NADSYN1: variants seen among roughly 807,000 people sequenced by gnomAD.
NADSYN1 encodes NAD synthetase 1.
In NADSYN1, 80 loss-of-function variants were observed where a neutral mutation model predicts 99.3. The ratio of observed to expected loss-of-function variants is 0.81; its 90% confidence interval spans 0.67 to 0.97. The LOEUF (loss-of-function observed/expected upper bound fraction) is 0.97. Among genes scored for constraint, NADSYN1 ranks in the 50% least tolerant of loss-of-function variants. The probability of loss-of-function intolerance (pLI) is 0.00; values close to 1 mark genes in which losing one functional copy is unlikely to be tolerated. For synonymous variants in NADSYN1, 385 were observed against 372.1 expected, an observed-to-expected ratio of 1.03 and a Z score of -0.40; for missense variants, 859 against 948.5, an observed-to-expected ratio of 0.91 and a Z score of 1.24.
chr11:71,482,331 A>G (rs1242107274), intron 13 of NADSYN1, among the ~76,000 whole-genome samples: 5 of 152,192 alleles, frequency 3.3e-5, no homozygotes, highest in Non-Finnish European at 7.4e-5. Flanking sequence ...ATCCTCCCCC[A>G]TGTGATATAG....
Position 71,496,237 on chromosome 11 carries a change from T to A in NADSYN1, c.1765-1246T>A, listed in dbSNP as rs138713133. ...GAGGCCAGGGTCTGAAATCAAGGTG[T>A]TGGCAGAGTCCTGGTCCCTCCGAAG... On this transcript the variant is annotated intron_variant, in intron 18 of 20. Coordinates refer to ENST00000319023, the MANE Select transcript of NADSYN1 (RefSeq NM_018161.5). 3.3e-5 allele frequency among the ~76,000 whole-genome samples: 5 copies of A among 152,292 alleles called. No individual in the cohort carries two copies. In the East Asian group the frequency reaches 7.7e-4, roughly 24 times the overall value.
At position 71,462,155 on chromosome 11, in the gene NADSYN1, G is replaced by A. The variant is rs77919376; in HGVS notation, c.264-1277G>A. Among the ~76,000 whole-genome samples, 550 of 152,292 alleles carry A rather than the reference G, an allele frequency of 3.6e-3. 7 individuals are homozygous for A. Among genetic ancestry groups the A allele is most frequent in the African/African-American group, 0.013 (535 of 41,558 alleles). On this transcript the variant is annotated intron_variant, in intron 3 of 20. Coordinates refer to ENST00000319023, the MANE Select transcript of NADSYN1 (RefSeq NM_018161.5). ...GGTTCAGGCCATGACTGGGAGTGGGGGGTGATCGGGGGTCGGACAGGCCTC... is the reference window on the plus strand; with the variant it reads ...GGTTCAGGCCATGACTGGGAGTGGGAGGTGATCGGGGGTCGGACAGGCCTC...
chr11:71,476,667 C>T (rs1294849121), intron 9 of NADSYN1: 2 of 985,562 alleles, frequency 2.0e-6, no homozygotes. Context: ...GCTGGAAGGG[C>T]TTTGAAGAGA....
At chr11:71,455,410 A>T (rs1452674655) in intron 2 of NADSYN1, 3 of 470,280 alleles carry the variant, frequency 6.4e-6, no homozygotes, top group Non-Finnish European at 1.1e-5. Flanking sequence ...GATGAAGGCC[A>T]GTTTCAAAGT....
At chr11:71,485,328 A>G in intron 15 of NADSYN1, 1 of 378,804 alleles carries the variant, frequency 2.6e-6, no homozygotes, top group East Asian at 4.8e-5. Flanking sequence ...TTTGAAGGCA[A>G]GGCACCACTG....
Position 71,472,501 on chromosome 11 carries a change from G to C in NADSYN1, c.459+1G>C. 6.2e-7 allele frequency: 1 copy of C among 1,613,348 alleles called. No individual in the cohort carries two copies. Among genetic ancestry groups the C allele is most frequent in the Non-Finnish European group, 8.5e-7 (1 of 1,179,278 alleles). On this transcript the variant is annotated splice_donor_variant, in intron 6 of 20. Transcript: ENST00000319023. LOFTEE classifies it high-confidence loss of function. ...GATGATACAGGACCTGACAAAGCAG[G>C]TGAGTCCCTGGGTGTGGAGCCCGTT...
chr11:71,473,180 A>C, intron 6 of NADSYN1, 98 bp from the exon 7 acceptor site: 1 of 1,170,252 alleles, frequency 8.5e-7, no homozygotes, highest in Non-Finnish European at 1.3e-6. Context: ...AGCCAACTCC[A>C]GCTCTTGTGG....
At chr11:71,453,829 T>C (rs931235673) in intron 1 of NADSYN1, among the ~76,000 whole-genome samples, 2 of 151,898 alleles carry the variant, frequency 1.3e-5, no homozygotes, top group Non-Finnish European at 2.9e-5. Flanking sequence ...GAAAGGGAAG[T>C]AGAAAAAGAC....
rs111535736 is a variant in NADSYN1 at position 71,484,534 on chromosome 11, C to A, written c.1455+87C>A. On this transcript the variant is annotated intron_variant, in intron 15 of 20. Coordinates refer to ENST00000319023, the MANE Select transcript of NADSYN1 (RefSeq NM_018161.5). ...CTACAGGATGTGCAGGTGCCCCCAC[C>A]TGGGCCATCGTCTCCATGAAGCTCA... 15 of 1,484,542 alleles carry A rather than the reference C, an allele frequency of 1.0e-5. No individual in the cohort carries two copies. In the African/African-American group the frequency reaches 1.4e-4, roughly 14 times the overall value. The allele number at this position is 1,484,542 out of a possible 1,614,324, so 92.0% of individuals were successfully genotyped here. A position where few individuals can be genotyped will look rare whatever the true frequency, so the allele number is the denominator to read the frequency against.
intron 17 of NADSYN1, 36 bp downstream of exon 17, chr11:71,491,012 G>A (rs746966912): frequency 1.2e-5 from 19 of 1,612,136 alleles, no homozygotes; most frequent in Admixed American, 5.0e-5. Flanking sequence ...CCACAGCCAC[G>A]GGGCTCCTCT....
intron 19 of NADSYN1, among the ~76,000 whole-genome samples, chr11:71,498,128 G>A (rs1027361267): frequency 2.0e-4 from 30 of 152,068 alleles, no homozygotes; most frequent in Non-Finnish European, 3.8e-4. Context: ...CATCAGAGGT[G>A]GGGGACCCCG....
intron 5 of NADSYN1, chr11:71,464,386 G>A (rs905704415): frequency 1.6e-5 from 7 of 448,336 alleles, no homozygotes; most frequent in African/African-American, 3.9e-5. Flanking sequence ...CTCAGGGCGC[G>A]GTTACACAAT....
chr11:71,473,753 C>T (rs1014139052), intron 8 of NADSYN1, 67 bp downstream of exon 8: 10 of 1,132,992 alleles, frequency 8.8e-6, no homozygotes, highest in South Asian at 1.3e-5. Context: ...CCTGCATCCT[C>T]AGTGCCCATC....
In NADSYN1 at chr11:71,481,026, G is replaced by A. The variant is rs530204298; in HGVS notation, c.998+147G>A. 13 of 1,118,960 alleles carry A rather than the reference G, an allele frequency of 1.2e-5. No homozygotes were observed. In the Admixed American group the frequency reaches 1.8e-4, roughly 15 times the overall value. 69.3% of individuals were successfully genotyped at this position (1,118,960 alleles called of 1,614,324 possible). A position where few individuals can be genotyped will look rare whatever the true frequency, so the allele number is the denominator to read the frequency against. ...GCAACTGTGCATCCCCTGGGTTGAG[G>A]GCGTGGATGCTAGAGCCAGAACCCC... is the stretch of plus-strand genomic sequence containing the variant. On this transcript the variant is annotated intron_variant, in intron 11 of 20. Coordinates refer to ENST00000319023, the MANE Select transcript of NADSYN1 (RefSeq NM_018161.5).
chr11:71,490,363 T>C (rs1265710093), intron 16 of NADSYN1, among the ~76,000 whole-genome samples: 1 of 152,196 alleles, frequency 6.6e-6, no homozygotes, highest in Non-Finnish European at 1.5e-5. Context: ...GCTGAGTCCA[T>C]CTGCAAAGTC....
rs748164413 is a variant in NADSYN1 at position 71,458,508 on chromosome 11, C to T, written c.227C>T (p.Ser76Phe). ...CAAGTCCTAGCGGCCCTTGTGGAGT[C>T]TCCCGTCACTCAGGACATCATCTGC... ...SFQVLAALVE[S>F]PVTQDIICDV... The change falls in exon 3 of 21, where the codon TCT becomes TTT. Residue 76 changes from serine to phenylalanine, a missense_variant. Coordinates refer to ENST00000319023, the MANE Select transcript of NADSYN1 (RefSeq NM_018161.5). 19 of 1,612,824 alleles carry T rather than the reference C, an allele frequency of 1.2e-5. No homozygotes were observed. The highest frequency in any genetic ancestry group is 1.4e-5 in the Non-Finnish European group (17 of 1,178,920).
intron 3 of NADSYN1, 65 bp from the exon 4 acceptor site, chr11:71,463,367 T>A: frequency 1.4e-6 from 2 of 1,411,400 alleles, no homozygotes; most frequent in Admixed American, 3.4e-5. Flanking sequence ...CTGCAGCCGC[T>A]GCCTCCATGT....
chr11:71,487,051 C>T (rs1038648396), intron 16 of NADSYN1, among the ~76,000 whole-genome samples: 7 of 152,118 alleles, frequency 4.6e-5, no homozygotes, highest in African/African-American at 1.7e-4. Context: ...CGTGATCCGC[C>T]CACCTTGGCC....
At chr11:71,477,045 C>A (rs1247846602) in intron 9 of NADSYN1, 4 of 1,076,752 alleles carry the variant, frequency 3.7e-6, no homozygotes, top group Non-Finnish European at 4.5e-6. Context: ...CCGTGGTGCA[C>A]CTGAAATGGT....
Sources: gnomAD v4.1 joint callset for allele counts (sites outside exome capture counted in the v4.1 genomes callset) on GRCh38, gnomAD v4.1.1 for gene constraint, MANE v1.5 for transcripts, NCBI Gene and HGNC (gene_info 2026-07-23, HGNC 2026-07-21) for gene names.